TBC1D12: variants seen among roughly 807,000 people sequenced by gnomAD.
TBC1D12 encodes the protein TBC1 domain family, member 12.
A neutral mutation model predicts 86.7 loss-of-function variants in TBC1D12; 56 were observed. The observed-to-expected ratio is 0.65, with a 90% CI of 0.52 to 0.81. TBC1D12 has a LOEUF of 0.81. Ranked by LOEUF, TBC1D12 falls within the 30% of genes least tolerant of loss-of-function variation. The pLI, the probability that TBC1D12 is intolerant of heterozygous loss-of-function variation, is 0.00. For missense variants in TBC1D12, 1,023 were observed against 1,038.8 expected (o/e 0.98, Z 0.21); for synonymous variants, 421 against 411.7 (o/e 1.02, Z -0.27).
At chr10:94,504,573 T>C (rs2056437800) in intron 6 of TBC1D12, among the ~76,000 whole-genome samples, 1 of 152,192 alleles carries the variant, frequency 6.6e-6, no homozygotes. Context: ...TCATGAAATT[T>C]ATAATCATTA....
At chr10:94,488,589 A>T (rs1046508796) in intron 3 of TBC1D12, among the ~76,000 whole-genome samples, 2 of 148,200 alleles carry the variant, frequency 1.3e-5, no homozygotes, top group African/African-American at 5.0e-5. Context: ...ATGGGGTTTT[A>T]CCATGTTGGC....
chr10:94,497,375 T>A (rs904857973), intron 5 of TBC1D12, among the ~76,000 whole-genome samples: 2 of 152,144 alleles, frequency 1.3e-5, no homozygotes, highest in African/African-American at 4.8e-5. Flanking sequence ...ATTTCCAGCA[T>A]ATATTTTATG....
At chr10:94,451,889 G>A (rs1353512864) in intron 2 of TBC1D12, among the ~76,000 whole-genome samples, 1 of 151,782 alleles carries the variant, frequency 6.6e-6, no homozygotes, top group Admixed American at 6.6e-5. Flanking sequence ...TTCATGTGAG[G>A]CAAAACTCAA....
intron 1 of TBC1D12, among the ~76,000 whole-genome samples, chr10:94,428,790 G>C (rs2055178764): frequency 2.0e-5 from 3 of 151,592 alleles, no homozygotes; most frequent in Non-Finnish European, 2.9e-5. Flanking sequence ...GCTCACTACA[G>C]CCTTGACTTC....
chr10:94,417,621 A>G (rs1398328154), intron 1 of TBC1D12, among the ~76,000 whole-genome samples: 1 of 152,228 alleles, frequency 6.6e-6, no homozygotes, highest in African/African-American at 2.4e-5. Context: ...CATCTAGTGT[A>G]AAAGTTCTGT....
At chr10:94,446,701 T>G (rs2055467351) in intron 2 of TBC1D12, among the ~76,000 whole-genome samples, 1 of 152,170 alleles carries the variant, frequency 6.6e-6, no homozygotes, top group Non-Finnish European at 1.5e-5. Context: ...AGTTGCCATA[T>G]TTTTAAATAT....
chr10:94,472,791 A>G (rs1217449809), intron 2 of TBC1D12, among the ~76,000 whole-genome samples: 1 of 152,196 alleles, frequency 6.6e-6, no homozygotes, highest in East Asian at 1.9e-4. Context: ...GAACGGCTGT[A>G]TGGTTCTTTG....
intron 3 of TBC1D12, among the ~76,000 whole-genome samples, chr10:94,490,084 C>T (rs1447353699): frequency 6.6e-6 from 1 of 152,092 alleles, no homozygotes; most frequent in Non-Finnish European, 1.5e-5. Flanking sequence ...TCCATCTCTA[C>T]TAAAATTACC....
chr10:94,523,566 AT>A (rs1452566466), intron 11 of TBC1D12, among the ~76,000 whole-genome samples: 1 of 152,130 alleles, frequency 6.6e-6, no homozygotes, highest in Non-Finnish European at 1.5e-5. Context: ...TTTTTTAAAA[AT>A]GTAATAAATG....
rs41300227 is a variant in TBC1D12 at position 94,534,093 on chromosome 10, A to G, written c.*997A>G. On this transcript the variant is annotated 3_prime_UTR_variant, in exon 13 of 13. Transcript: ENST00000225235. ...TAAAACTCTATGCATAATTTTTCCT[A>G]ATCAGTGGAAATAAGAATAAAAGAA... The G allele has an allele frequency of 6.6e-6, 1 of 152,214 alleles. No homozygotes were observed. The highest frequency in any genetic ancestry group is 2.4e-5 in the African/African-American group (1 of 41,458). 9.4% of individuals were successfully genotyped at this position (152,214 alleles called of 1,614,324 possible).
intron 6 of TBC1D12, among the ~76,000 whole-genome samples, chr10:94,505,867 A>G (rs1449780316): frequency 1.3e-5 from 2 of 152,194 alleles, no homozygotes; most frequent in Non-Finnish European, 2.9e-5. Flanking sequence ...TAAGATACAG[A>G]CCAGTGCATG....
Position 94,522,064 on chromosome 10 carries a change from T to C in TBC1D12, c.1871T>C (p.Phe624Ser), listed in dbSNP as rs774489525. The change falls in exon 10 of 13, where the codon TTT (phenylalanine) becomes TCT (serine). Residue 624 changes from phenylalanine (F) to serine (S), a missense_variant. Around this residue, in one of 2 missense-constraint regions of TBC1D12, gnomAD observed 395 missense variants for 507.7 expected, o/e 0.78. Coordinates refer to ENST00000225235, the MANE Select transcript of TBC1D12 (RefSeq NM_015188.2). ...LLNKPCQLAF[F>S]RVDHSMMLKY... The stretch of plus-strand genomic sequence containing the variant: ...AATAAGCCATGCCAGTTGGCCTTTT[T>C]TCGTGTGGATCACAGCATGGTATGA... 23 of 1,612,656 alleles carry C rather than the reference T, an allele frequency of 1.4e-5. No homozygotes were observed. Among genetic ancestry groups the C allele is most frequent in the Non-Finnish European group, 2.0e-5 (23 of 1,179,110 alleles).
At chr10:94,491,339 C>G (rs1228570761) in intron 3 of TBC1D12, among the ~76,000 whole-genome samples, 1 of 152,078 alleles carries the variant, frequency 6.6e-6, no homozygotes, top group East Asian at 1.9e-4. Flanking sequence ...TGTCACATAC[C>G]TTTTTCCACA....
In TBC1D12 at chr10:94,533,073, A is replaced by G. The variant is rs777374689; in HGVS notation, c.2305A>G (p.Ser769Gly). 7 of 1,595,628 alleles carry G rather than the reference A, an allele frequency of 4.4e-6. No individual in the cohort carries two copies. Among genetic ancestry groups the G allele is most frequent in the Non-Finnish European group, 6.0e-6 (7 of 1,171,240 alleles). The change falls in exon 13 of 13, where the codon AGT becomes GGT. Residue 769 changes from serine (S) to glycine (G), a missense_variant. Coordinates refer to ENST00000225235, the MANE Select transcript of TBC1D12 (RefSeq NM_015188.2). The stretch of plus-strand genomic sequence containing the variant: ...GGATATTAAAGAAGGAGACAAGAAC[A>G]GTAGTCCTGCTTTGAAAAGCTAGTC... ...MKDIKEGDKN[S>G]SPALKS
chr10:94,486,136 C>CTTTTTTTTTTTTT lies in TBC1D12; in HGVS notation c.1212-7227_1212-7226insTTTTTTTTTTTTT, dbSNP rs760373766. The stretch of plus-strand genomic sequence containing the variant: ...GCTCTTTTTCTTTTTTCTTCTTCTT[C>CTTTTTTTTTTTTT]TTCTTTTTTTTTTTTTTTTTTGTTA... On this transcript the variant is annotated intron_variant, in intron 3 of 12. Transcript: ENST00000225235. 6.0e-4 allele frequency among the ~76,000 whole-genome samples: 73 copies of CTTTTTTTTTTTTT among 120,858 alleles called. 1 individual carries two copies. The highest frequency in any genetic ancestry group is 7.2e-4 in the African/African-American group (23 of 31,932). 79.3% of individuals were successfully genotyped at this position (120,858 alleles called of 152,430 possible).
intron 2 of TBC1D12, among the ~76,000 whole-genome samples, chr10:94,466,628 T>A (rs1010620992): frequency 6.6e-6 from 1 of 152,184 alleles, no homozygotes; most frequent in African/African-American, 2.4e-5. Flanking sequence ...ACAGAATAAC[T>A]TTAGATTTTG....
At chr10:94,405,190 T>C (rs2134041825) in intron 1 of TBC1D12, among the ~76,000 whole-genome samples, 1 of 152,292 alleles carries the variant, frequency 6.6e-6, no homozygotes, top group East Asian at 1.9e-4. Context: ...GAGTTCTCCC[T>C]ACTTTGTTTT....
chr10:94,418,101 C>G (rs979602717), intron 1 of TBC1D12, among the ~76,000 whole-genome samples: 6 of 152,024 alleles, frequency 3.9e-5, no homozygotes, highest in African/African-American at 1.4e-4. Flanking sequence ...AGACAGAGAC[C>G]ATGTTCTTGT....
intron 6 of TBC1D12, among the ~76,000 whole-genome samples, chr10:94,505,439 A>G (rs2056447861): frequency 6.6e-6 from 1 of 152,004 alleles, no homozygotes; most frequent in South Asian, 2.1e-4. Context: ...AATTAACTGG[A>G]TGTGTTGGTG....
Sources: allele counts gnomAD v4.1 joint callset (sites outside exome capture counted in the v4.1 genomes callset), GRCh38; gene constraint gnomAD v4.1.1; regional missense constraint gnomAD v4.1.1; transcripts MANE v1.5; gene names NCBI Gene and HGNC (gene_info 2026-07-23, HGNC 2026-07-21).